The following GCNT1 variants were observed in gnomAD, a reference collection of about 807,000 sequenced individuals.
GCNT1 encodes beta-1,3-galactosyl-O-glycosyl-glycoprotein beta-1,6-N-acetylglucosaminyltransferase.
A neutral mutation model predicts 26.2 loss-of-function variants in GCNT1; 16 were observed. The observed-to-expected ratio is 0.61, with a 90% CI of 0.41 to 0.93. The LOEUF is 0.93. Ranked by LOEUF, GCNT1 falls within the 40% of genes least tolerant of loss-of-function variation. The pLI, the probability that GCNT1 is intolerant of heterozygous loss-of-function variation, is 0.00. For synonymous variants in GCNT1, 183 were observed against 190.8 expected, an observed-to-expected ratio of 0.96 and a Z score of 0.34; for missense variants, 477 against 526.7, an observed-to-expected ratio of 0.91 and a Z score of 0.92.
chr9:76,496,629 G>A (rs1011963682), intron 2 of GCNT1, among the ~76,000 whole-genome samples: 2 of 152,058 alleles, frequency 1.3e-5, no homozygotes, highest in Admixed American at 1.3e-4. Context: ...CACCTTAGGG[G>A]CACCTGATAC....
At chr9:76,394,991 T>C in the GCNT1 span, among the ~76,000 whole-genome samples, 1 of 152,120 alleles carries the variant, frequency 6.6e-6, no homozygotes, top group Admixed American at 6.5e-5. Flanking sequence ...GAATGTAAGC[T>C]CCAAGGGAGA....
intron 2 of GCNT1, among the ~76,000 whole-genome samples, chr9:76,477,134 C>G (rs1002522493): frequency 2.0e-5 from 3 of 150,732 alleles, no homozygotes; most frequent in African/African-American, 7.3e-5. Context: ...GGGCTGGTCT[C>G]GAAATCCTTG....
At chr9:76,417,187 CTA>C (rs375808727), upstream of GCNT1, among the ~76,000 whole-genome samples, 85 of 152,310 alleles carry the variant, frequency 5.6e-4, no homozygotes, top group African/African-American at 1.9e-3. Flanking sequence ...GCTTTAATAA[CTA>C]TGGGTGAAAT....
the GCNT1 span, among the ~76,000 whole-genome samples, chr9:76,396,237 T>C: frequency 6.6e-6 from 1 of 152,184 alleles, no homozygotes; most frequent in African/African-American, 2.4e-5. Flanking sequence ...ATGCTAAGTA[T>C]TTTTCACACT....
At chr9:76,423,391 C>T (rs1484003710) in intron 1 of GCNT1, among the ~76,000 whole-genome samples, 1 of 152,248 alleles carries the variant, frequency 6.6e-6, no homozygotes, top group Non-Finnish European at 1.5e-5. Context: ...CTTGCACCCT[C>T]CCTTTGCCTT....
At chr9:76,403,517 A>G in the GCNT1 span, among the ~76,000 whole-genome samples, 6 of 152,312 alleles carry the variant, frequency 3.9e-5, no homozygotes, top group South Asian at 1.0e-3. Flanking sequence ...TGAACCTAGA[A>G]CTGCGGTGAC....
chr9:76,442,531 A>G (rs1483044096), intron 1 of GCNT1, among the ~76,000 whole-genome samples: 1 of 152,074 alleles, frequency 6.6e-6, no homozygotes, highest in East Asian at 1.9e-4. Context: ...AAATACAAAA[A>G]TTAGCTGGGC....
At chr9:76,435,133 C>T (rs777568764) in intron 1 of GCNT1, among the ~76,000 whole-genome samples, 2 of 152,106 alleles carry the variant, frequency 1.3e-5, no homozygotes, top group Non-Finnish European at 2.9e-5. Flanking sequence ...CTTTGTTCTC[C>T]CTTTTTCCCT....
At chr9:76,501,377 G>C (rs1158762675) in intron 3 of GCNT1, among the ~76,000 whole-genome samples, 1 of 152,198 alleles carries the variant, frequency 6.6e-6, no homozygotes, top group Non-Finnish European at 1.5e-5. Context: ...AAAGTGGGTT[G>C]TGTTCCTGGA....
chr9:76,487,171 A>G (rs1824602994), intron 2 of GCNT1, among the ~76,000 whole-genome samples: 1 of 152,192 alleles, frequency 6.6e-6, no homozygotes, highest in African/African-American at 2.4e-5. Flanking sequence ...AATTGGCCAG[A>G]AAGAACTCCA....
chr9:76,395,976 T>A, the GCNT1 span, among the ~76,000 whole-genome samples: 1 of 152,208 alleles, frequency 6.6e-6, no homozygotes, highest in Non-Finnish European at 1.5e-5. Flanking sequence ...TCAGAATGAT[T>A]TTTTTGTATC....
chr9:76,431,061 G>A (rs1587407359), intron 1 of GCNT1, among the ~76,000 whole-genome samples: 1 of 152,166 alleles, frequency 6.6e-6, no homozygotes, highest in Non-Finnish European at 1.5e-5. Flanking sequence ...AGTTCAATTT[G>A]GGTAGTGGAG....
upstream of GCNT1, among the ~76,000 whole-genome samples, chr9:76,455,776 A>G (rs1194734416): frequency 6.6e-6 from 1 of 151,940 alleles, no homozygotes; most frequent in Non-Finnish European, 1.5e-5. Flanking sequence ...TAATTTTTAT[A>G]TTTTTAGTAG....
rs151218834 is a variant in GCNT1, at chr9:76,478,213, C to G, written c.-290+18036C>G. Among the ~76,000 whole-genome samples the G allele has an allele frequency of 2.6e-4, 39 of 152,314 alleles. No individual in the cohort carries two copies. In the East Asian group the frequency reaches 7.1e-3, roughly 28 times the overall value. Reference sequence around the variant, plus strand: ...GTAGTGGAAACTTGGTTCTTTTGCTCTTCACAATAAATCTTGCTGTTGGTC... The same window carrying G: ...GTAGTGGAAACTTGGTTCTTTTGCTGTTCACAATAAATCTTGCTGTTGGTC... On this transcript the variant is annotated intron_variant, in intron 2 of 3. Transcript: ENST00000376730.
chr9:76,394,396 C>G, the GCNT1 span: 1 of 475,742 alleles, frequency 2.1e-6, no homozygotes. Flanking sequence ...TGCGTCTCCG[C>G]TGGAGGGCAG....
At chr9:76,406,433 G>T in the GCNT1 span, among the ~76,000 whole-genome samples, 42 of 150,676 alleles carry the variant, frequency 2.8e-4, 1 homozygote, top group South Asian at 4.8e-3. Context: ...GGAGATCAAG[G>T]CTACAGTGAG....
chr9:76,488,838 C>T (rs1478598726), intron 2 of GCNT1, among the ~76,000 whole-genome samples: 1 of 152,218 alleles, frequency 6.6e-6, no homozygotes, highest in Non-Finnish European at 1.5e-5. Flanking sequence ...TAATAATTTT[C>T]AAGGGCTCTT....
At chr9:76,429,965 C>T (rs1022675123) in intron 1 of GCNT1, among the ~76,000 whole-genome samples, 8 of 152,084 alleles carry the variant, frequency 5.3e-5, no homozygotes, top group African/African-American at 9.7e-5. Context: ...CTGCCCGCCT[C>T]GGCCTCCCAA....
chr9:76,410,693 G>A, the GCNT1 span, among the ~76,000 whole-genome samples: 2 of 152,216 alleles, frequency 1.3e-5, no homozygotes, highest in Non-Finnish European at 2.9e-5. Context: ...TTGAGTCTGA[G>A]AAGAATGTGT....
Sources: allele counts gnomAD v4.1 joint callset (sites outside exome capture counted in the v4.1 genomes callset), GRCh38; gene constraint gnomAD v4.1.1; transcripts MANE v1.5; gene names NCBI Gene and HGNC (gene_info 2026-07-23, HGNC 2026-07-21).